Variants in MECOM observed in about 807,000 individuals in gnomAD.
MECOM encodes the protein histone-lysine N-methyltransferase MECOM.
In MECOM, 13 loss-of-function variants were observed where a neutral mutation model predicts 116.3. The observed-to-expected ratio is 0.11, with a 90% confidence interval of 0.07 to 0.18. MECOM has a LOEUF of 0.18. MECOM is among the 10% of genes least tolerant of loss of function. The pLI is 1.00. For synonymous variants in MECOM, 528 were observed against 535.2 expected (o/e 0.99, Z 0.19); for missense variants, 1,299 against 1,509.0 (o/e 0.86, Z 2.31).
intron 2 of MECOM, among the ~76,000 whole-genome samples, chr3:169,186,971 TC>T (rs1746866031): frequency 6.6e-6 from 1 of 152,176 alleles, no homozygotes; most frequent in South Asian, 2.1e-4. Flanking sequence ...GCAGTGATGA[TC>T]AATATTCAGT....
chr3:169,583,280 A>G (rs895614435), intron 1 of MECOM, among the ~76,000 whole-genome samples: 5 of 152,338 alleles, frequency 3.3e-5, no homozygotes, highest in South Asian at 2.1e-4. Flanking sequence ...CCATTCATAC[A>G]TAAAGAAATC....
chr3:169,131,731 A>G (rs572804945), intron 3 of MECOM, 200 bp from the exon 4 acceptor site: 1 of 628,990 alleles, frequency 1.6e-6, no homozygotes, highest in African/African-American at 1.8e-5. Flanking sequence ...GAAAGCTGTG[A>G]CTCTCAAGCC....
chr3:169,600,156 G>C (rs1767662403), intron 1 of MECOM, among the ~76,000 whole-genome samples: 1 of 151,996 alleles, frequency 6.6e-6, no homozygotes, highest in Admixed American at 6.6e-5. Context: ...ATTTTTAGTA[G>C]AAGCAAGTTT....
At position 169,084,863 on chromosome 3, in the gene MECOM, C is replaced by G. The variant is rs1298950921; in HGVS notation, c.*46G>C. On this transcript the variant is annotated 3_prime_UTR_variant, in exon 17 of 17. Transcript: ENST00000651503. ...TGTAAATAGTCCTATATGAAAGAGC[C>G]ATGCTACTGTTGGACTTGGTCCCAC... 1.9e-6 allele frequency: 3 copies of G among 1,611,324 alleles called. No individual in the cohort carries two copies. Among genetic ancestry groups the G allele is most frequent in the Non-Finnish European group, 2.5e-6 (3 of 1,178,266 alleles).
intron 1 of MECOM, among the ~76,000 whole-genome samples, chr3:169,389,886 G>C (rs563896004): frequency 6.6e-6 from 1 of 152,280 alleles, no homozygotes; most frequent in Non-Finnish European, 1.5e-5. Flanking sequence ...CATTAGTTTA[G>C]GGCTGGACAC....
chr3:169,325,351 C>G (rs995810879), intron 2 of MECOM, among the ~76,000 whole-genome samples: 2 of 152,144 alleles, frequency 1.3e-5, no homozygotes, highest in Admixed American at 6.5e-5. Context: ...TAAGAGGATT[C>G]AGAAATACTG....
chr3:169,094,651 T>C (rs1210416172), intron 13 of MECOM, among the ~76,000 whole-genome samples: 1 of 152,238 alleles, frequency 6.6e-6, no homozygotes, highest in African/African-American at 2.4e-5. Context: ...GCTGCAGGCC[T>C]TTTACAAAAG....
chr3:169,526,749 G>C (rs924965293), intron 1 of MECOM, among the ~76,000 whole-genome samples: 1 of 151,926 alleles, frequency 6.6e-6, no homozygotes, highest in Non-Finnish European at 1.5e-5. Flanking sequence ...GCAGTACTCA[G>C]GTAACTAAGC....
At chr3:169,152,844 T>C (rs546810093) in intron 2 of MECOM, among the ~76,000 whole-genome samples, 1 of 152,220 alleles carries the variant, frequency 6.6e-6, no homozygotes, top group East Asian at 1.9e-4. Context: ...TTTAACAGTT[T>C]AATATTTTAT....
intron 1 of MECOM, among the ~76,000 whole-genome samples, chr3:169,635,580 C>T (rs1245658306): frequency 6.6e-6 from 1 of 152,222 alleles, no homozygotes; most frequent in Non-Finnish European, 1.5e-5. Context: ...ACATTTCTAT[C>T]AAAAGTGAAT....
intron 1 of MECOM, among the ~76,000 whole-genome samples, chr3:169,519,288 T>C (rs1029623157): frequency 1.8e-4 from 28 of 152,236 alleles, no homozygotes; most frequent in African/African-American, 6.5e-4. Context: ...CAGCCCTTCA[T>C]TTTATAGACA....
chr3:169,256,475 A>G (rs1408389917), intron 2 of MECOM, among the ~76,000 whole-genome samples: 1 of 152,212 alleles, frequency 6.6e-6, no homozygotes, highest in Non-Finnish European at 1.5e-5. Context: ...TACACTTTCC[A>G]GCACCAAGAT....
At chr3:169,650,163 T>C (rs1774705915) in intron 1 of MECOM, among the ~76,000 whole-genome samples, 1 of 152,278 alleles carries the variant, frequency 6.6e-6, no homozygotes, top group African/African-American at 2.4e-5. Context: ...TTTTATGCTA[T>C]AGTTAAAAGT....
chr3:169,086,651 CT>C, intron 16 of MECOM: 1 of 686,776 alleles, frequency 1.5e-6, no homozygotes, highest in Admixed American at 2.1e-5. Flanking sequence ...AAGTGTTTAG[CT>C]CAGTGTGCCT....
chr3:169,333,783 T>C (rs1172479783), intron 2 of MECOM, among the ~76,000 whole-genome samples: 1 of 152,074 alleles, frequency 6.6e-6, no homozygotes, highest in Non-Finnish European at 1.5e-5. Flanking sequence ...ATAACAACTG[T>C]GCTTTCCACT....
At chr3:169,351,049 A>G (rs535831601) in intron 2 of MECOM, among the ~76,000 whole-genome samples, 7 of 152,048 alleles carry the variant, frequency 4.6e-5, no homozygotes, top group African/African-American at 1.7e-4. Context: ...TTCTCATCTA[A>G]CTAATCCGAT....
chr3:169,367,602 G>A (rs1729409146), intron 2 of MECOM, among the ~76,000 whole-genome samples: 1 of 151,992 alleles, frequency 6.6e-6, no homozygotes, highest in Non-Finnish European at 1.5e-5. Flanking sequence ...CATTGTTTCT[G>A]TATCAGGTGA....
intron 2 of MECOM, among the ~76,000 whole-genome samples, chr3:169,205,400 A>AT (rs1336541742): frequency 6.6e-6 from 1 of 152,184 alleles, no homozygotes; most frequent in Non-Finnish European, 1.5e-5. Flanking sequence ...ATGAGTAGAA[A>AT]TGTACTCTTC....
chr3:169,484,123 CAA>C, intron 1 of MECOM: 1 of 778,210 alleles, frequency 1.3e-6, no homozygotes, highest in South Asian at 1.6e-5. Flanking sequence ...CTCTAGTAAA[CAA>C]AAAGTGATTC....
Sources: allele counts gnomAD v4.1 joint callset (sites outside exome capture counted in the v4.1 genomes callset), GRCh38; gene constraint gnomAD v4.1.1; transcripts MANE v1.5; gene names NCBI Gene and HGNC (gene_info 2026-07-23, HGNC 2026-07-21).